Variants in RPP30 observed in about 807,000 individuals in gnomAD.
RPP30 encodes ribonuclease P/MRP subunit p30, also known as ribonuclease P protein subunit p30.
A neutral mutation model predicts 38.6 loss-of-function variants in RPP30; 36 were observed. The ratio of observed to expected loss-of-function variants is 0.93; its 90% CI spans 0.71 to 1.23. The LOEUF (loss-of-function observed/expected upper bound fraction) is 1.23, where lower values mean the gene tolerates loss of function less well. Among genes scored for constraint, RPP30 ranks in the 50% most tolerant of loss-of-function variants. RPP30 has a pLI of 0.00. For missense variants in RPP30, 321 were observed against 321.7 expected (o/e 1.00, Z 0.02); for synonymous variants, 126 against 112.7 (o/e 1.12, Z -0.75).
intron 10 of RPP30, among the ~76,000 whole-genome samples, chr10:90,898,696 A>C (rs1468343602): frequency 2.6e-5 from 4 of 152,214 alleles, no homozygotes. Context: ...GAGTTGGGAC[A>C]CATGGTAGTT....
At chr10:90,881,103 G>A (rs1487826640) in intron 5 of RPP30, among the ~76,000 whole-genome samples, 1 of 152,204 alleles carries the variant, frequency 6.6e-6, no homozygotes, top group Non-Finnish European at 1.5e-5. Flanking sequence ...TTGATTTCTG[G>A]ATTAATTTTG....
In RPP30 at chr10:90,874,858, T is replaced by C. The variant is rs754944901; in HGVS notation, c.83-11T>C. The C allele has an allele frequency of 2.5e-5, 40 of 1,589,344 alleles. No individual in the cohort carries two copies. The highest frequency in any genetic ancestry group is 3.4e-5 in the Non-Finnish European group (40 of 1,163,254). ...TATATTTAACAAAAGTGTTCAATTT[T>C]TCTTTTTCAGTTGGCTATTCAGTTG... On this transcript the variant is annotated splice_polypyrimidine_tract_variant and intron_variant, in intron 1 of 10. Transcript: ENST00000371703.
At chr10:90,882,989 G>A (rs982244136) in intron 5 of RPP30, among the ~76,000 whole-genome samples, 3 of 152,044 alleles carry the variant, frequency 2.0e-5, no homozygotes, top group Admixed American at 1.3e-4. Flanking sequence ...CAGATCATTA[G>A]GCCATACTTA....
At position 90,901,795 on chromosome 10, in the gene RPP30, C is replaced by T; in HGVS notation, c.*1116C>T. 1 of 982,680 alleles carries T rather than the reference C, an allele frequency of 1.0e-6. No individual in the cohort carries two copies. Among genetic ancestry groups the T allele is most frequent in the African/African-American group, 1.8e-5 (1 of 56,904 alleles). The allele number at this position is 982,680 out of a possible 1,614,324, so 60.9% of individuals were successfully genotyped here. A position where few individuals can be genotyped will look rare whatever the true frequency, so the allele number is the denominator to read the frequency against. On this transcript the variant is annotated 3_prime_UTR_variant, in exon 11 of 11. Transcript: ENST00000371703. ...ATTTTTTTAAGCAAGAGAAAGACAA[C>T]TGTTCTGCGGGTTGGAGAAAATACA...
intron 9 of RPP30, 48 bp from the exon 10 acceptor site, chr10:90,896,265 T>C (rs1397923838): frequency 9.8e-6 from 15 of 1,531,148 alleles, no homozygotes; most frequent in Non-Finnish European, 1.3e-5. Flanking sequence ...TGTGTTAGTC[T>C]CGTGTCCTTG....
intron 6 of RPP30, among the ~76,000 whole-genome samples, chr10:90,887,134 A>T (rs1181499255): frequency 6.6e-6 from 1 of 151,764 alleles, no homozygotes; most frequent in Non-Finnish European, 1.5e-5. Flanking sequence ...CACCTGGCTA[A>T]TTTTTTTATG....
intron 8 of RPP30, 29 bp downstream of exon 8, chr10:90,895,512 C>T (rs1324205325): frequency 6.2e-6 from 8 of 1,294,242 alleles, no homozygotes; most frequent in Non-Finnish European, 7.1e-6. Context: ...ACTTTGTTTT[C>T]ATCTTTCAGG....
At chr10:90,903,220 G>C (rs753765574), downstream of RPP30, 18 of 1,608,298 alleles carry the variant, frequency 1.1e-5, no homozygotes, top group Non-Finnish European at 1.5e-5. Context: ...GACAACTTTT[G>C]ATCTCTCATC....
At chr10:90,897,407 G>C (rs188339884) in intron 10 of RPP30, among the ~76,000 whole-genome samples, 6 of 152,316 alleles carry the variant, frequency 3.9e-5, no homozygotes, top group Non-Finnish European at 7.3e-5. Context: ...AACTGCTTAT[G>C]TATTGGCTTG....
At chr10:90,907,286 A>G (rs1847263683), downstream of RPP30, among the ~76,000 whole-genome samples, 1 of 152,206 alleles carries the variant, frequency 6.6e-6, no homozygotes, top group African/African-American at 2.4e-5. Flanking sequence ...AAGGACCCTG[A>G]GCCTTAAAAG....
In RPP30 at chr10:90,900,692, A is replaced by G. The variant is rs755197671; in HGVS notation, c.*13A>G. On this transcript the variant is annotated 3_prime_UTR_variant, in exon 11 of 11. Coordinates refer to ENST00000371703, the MANE Select transcript of RPP30 (RefSeq NM_006413.5). ...GTGTGAGGGCTGAAAAGAATGCCCC[A>G]GTCTCTGTCAGCACTCCCTTCTTCC... 2.5e-6 allele frequency: 4 copies of G among 1,610,412 alleles called. No homozygotes were observed. In the African/African-American group the frequency reaches 5.3e-5, roughly 22 times the overall value.
chr10:90,895,549 ATAAAT>A, intron 8 of RPP30, 66 bp downstream of exon 8: 1 of 869,020 alleles, frequency 1.2e-6, no homozygotes, highest in Non-Finnish European at 1.7e-6. Flanking sequence ...TTTCTAGGGG[ATAAAT>A]TAAAATAGTA....
downstream of RPP30, among the ~76,000 whole-genome samples, chr10:90,902,756 C>T (rs1321528073): frequency 6.6e-6 from 1 of 152,000 alleles, no homozygotes; most frequent in Non-Finnish European, 1.5e-5. Context: ...TGTGATGGCT[C>T]CAAAAGCATT....
In RPP30 at chr10:90,900,589, T is replaced by G. The variant is rs979546822; in HGVS notation, c.717T>G (p.Phe239Leu). ...TTACAGAAACTAGAAAAACTGCTTT[T>G]GGAATTATCTCTACAGTGAAGAAAC... is the stretch of plus-strand genomic sequence containing the variant. ...LLHGETRKTA[F>L]GIISTVKKPR... The change falls in exon 11 of 11, where the codon TTT becomes TTG. Residue 239 changes from phenylalanine to leucine, a missense_variant. Transcript: ENST00000371703. 1 of 1,611,482 alleles carries G rather than the reference T, an allele frequency of 6.2e-7. No homozygotes were observed. The highest frequency in any genetic ancestry group is 1.3e-5 in the African/African-American group (1 of 74,958).
intron 2 of RPP30, among the ~76,000 whole-genome samples, chr10:90,875,205 T>G (rs145849409): frequency 6.6e-6 from 1 of 151,986 alleles, no homozygotes; most frequent in East Asian, 1.9e-4. Flanking sequence ...TGGACTGTAA[T>G]CAAAATATTT....
Position 90,902,102 on chromosome 10 carries a change from A to G in RPP30, c.*1423A>G, listed in dbSNP as rs1397165338. 3 of 989,676 alleles carry G rather than the reference A, an allele frequency of 3.0e-6. No individual in the cohort carries two copies. Among genetic ancestry groups the G allele is most frequent in the Non-Finnish European group, 2.4e-6 (2 of 832,342 alleles). The allele number at this position is 989,676 out of a possible 1,614,324, so 61.3% of individuals were successfully genotyped here. Reference sequence around the variant, plus strand: ...GTTAGCCACTGCGCCCGGCCCGAGAAAATACAGTTTTAAAAAGAGAAAGCT... The same window carrying G: ...GTTAGCCACTGCGCCCGGCCCGAGAGAATACAGTTTTAAAAAGAGAAAGCT... On this transcript the variant is annotated 3_prime_UTR_variant, in exon 11 of 11. Coordinates refer to ENST00000371703, the MANE Select transcript of RPP30 (RefSeq NM_006413.5).
intron 4 of RPP30, 63 bp downstream of exon 4, chr10:90,876,161 A>T: frequency 9.4e-7 from 1 of 1,066,104 alleles, no homozygotes; most frequent in East Asian, 2.4e-5. Context: ...AATGTTGAAC[A>T]ATGTTGCATT....
At chr10:90,906,966 G>GTTT (rs1439375625), downstream of RPP30, among the ~76,000 whole-genome samples, 1 of 152,128 alleles carries the variant, frequency 6.6e-6, no homozygotes, top group South Asian at 2.1e-4. Flanking sequence ...CCCCCAACGT[G>GTTT]TTTATCTTTT....
At chr10:90,889,679 T>C (rs1360357766) in intron 6 of RPP30, among the ~76,000 whole-genome samples, 1 of 152,134 alleles carries the variant, frequency 6.6e-6, no homozygotes, top group Non-Finnish European at 1.5e-5. Context: ...CTTTTACCAA[T>C]AGGCCAGATG....
Sources: gnomAD v4.1 joint callset for allele counts (sites outside exome capture counted in the v4.1 genomes callset) on GRCh38, gnomAD v4.1.1 for gene constraint, MANE v1.5 for transcripts, NCBI Gene and HGNC (gene_info 2026-07-23, HGNC 2026-07-21) for gene names.